Variants in PKD1L1 observed in about 807,000 individuals in gnomAD.
PKD1L1 encodes the protein polycystin-1-like protein 1.
Under a neutral mutation model 323.4 loss-of-function variants are expected in PKD1L1, and 236 were observed. The observed-to-expected ratio is 0.73, with a 90% CI of 0.66 to 0.81. PKD1L1 has a LOEUF of 0.81. PKD1L1 is among the 40% of genes least tolerant of loss of function. The probability of loss-of-function intolerance (pLI) is 0.00; values close to 1 mark genes in which losing one functional copy is unlikely to be tolerated. For synonymous variants in PKD1L1, 1,344 were observed against 1,335.0 expected (o/e 1.01, Z -0.15); for missense variants, 3,320 against 3,508.0 (o/e 0.95, Z 1.35).
In PKD1L1 at chr7:47,818,044, G is replaced by A. The variant is rs777326810; in HGVS notation, c.6966-2587C>T. 9.5e-6 allele frequency: 13 copies of A among 1,367,236 alleles called. No individual in the cohort carries two copies. The South Asian group carries it at 1.3e-4, about 13-fold the overall frequency. The allele number at this position is 1,367,236 out of a possible 1,614,324, so 84.7% of individuals were successfully genotyped here. On this transcript the variant is annotated intron_variant, in intron 46 of 56. Coordinates refer to ENST00000289672, the MANE Select transcript of PKD1L1 (RefSeq NM_138295.5). Reference sequence around the variant, plus strand: ...TTTGCAGGTCTTTTATTGGGTGCTGGTTCTTAACTCTGGACTTCTCTACAA... The same window carrying A: ...TTTGCAGGTCTTTTATTGGGTGCTGATTCTTAACTCTGGACTTCTCTACAA...
rs1293620191 is a variant in PKD1L1 at position 47,827,356 on chromosome 7, G to A, written c.6848C>T (p.Ala2283Val). 1 of 1,610,556 alleles carries A rather than the reference G, an allele frequency of 6.2e-7. No individual in the cohort carries two copies. Among genetic ancestry groups the A allele is most frequent in the Admixed American group, 1.7e-5 (1 of 59,854 alleles). The change falls in exon 45 of 57, where the codon GCC (alanine) becomes GTC (valine). Residue 2283 changes from alanine (A) to valine (V), a missense_variant. By Grantham distance (64) the Ala-to-Val change is moderately conservative. Transcript: ENST00000289672. ...RMRRESRTRA[A>V]LRDISMDILM... is the part of the protein sequence containing the mutation. ...GACAGAAGCCGCCACCCACCTCAGG[G>A]CAGCCCGTGTGCGACTCTCTCTCCT... is the stretch of plus-strand genomic sequence containing the variant.
chr7:47,949,412 C>A (rs1221312725), upstream of PKD1L1, among the ~76,000 whole-genome samples: 1 of 134,276 alleles, frequency 7.4e-6, no homozygotes, highest in Non-Finnish European at 1.6e-5. Context: ...TCCACAACTG[C>A]ACTGGGGAAC....
chr7:47,894,113 A>C, intron 14 of PKD1L1, 54 bp from the exon 15 acceptor site: 1 of 1,454,082 alleles, frequency 6.9e-7, no homozygotes, highest in African/African-American at 1.4e-5. Flanking sequence ...GCAGGGACTC[A>C]CTGGAGAAAC....
At chr7:47,910,436 G>A (rs1479578923) in intron 8 of PKD1L1, among the ~76,000 whole-genome samples, 1 of 147,692 alleles carries the variant, frequency 6.8e-6, no homozygotes, top group Non-Finnish European at 1.5e-5. Flanking sequence ...CCAGGTTCAC[G>A]CCATTCTCCT....
intron 7 of PKD1L1, among the ~76,000 whole-genome samples, chr7:47,920,336 G>A (rs576283803): frequency 6.8e-6 from 1 of 146,128 alleles, no homozygotes; most frequent in South Asian, 2.1e-4. Flanking sequence ...CCTAACCAAG[G>A]AGGTGAAAGG....
At chr7:47,845,972 A>C (rs78495469) in intron 32 of PKD1L1, among the ~76,000 whole-genome samples, 24,849 of 152,210 alleles carry the variant, frequency 0.16, 2,417 homozygotes, top group East Asian at 0.22. Flanking sequence ...TAATGCATTT[A>C]TCAATAATTT....
intron 12 of PKD1L1, 134 bp from the exon 13 acceptor site, chr7:47,902,645 A>T (rs1787118083): frequency 8.8e-7 from 1 of 1,132,356 alleles, no homozygotes; most frequent in African/African-American, 1.6e-5. Flanking sequence ...TAAGAACAGA[A>T]GAGTCAAGGG....
intron 26 of PKD1L1, among the ~76,000 whole-genome samples, chr7:47,861,318 C>G (rs1353757744): frequency 1.3e-5 from 2 of 152,198 alleles, no homozygotes; most frequent in Admixed American, 1.3e-4. Flanking sequence ...AAAACAAAGT[C>G]ACGTACAAAT....
At chr7:47,835,911 A>C (rs1785447214) in intron 37 of PKD1L1, among the ~76,000 whole-genome samples, 1 of 152,176 alleles carries the variant, frequency 6.6e-6, no homozygotes, top group South Asian at 2.1e-4. Context: ...CCCACTCTCT[A>C]CCAGGCATGT....
At chr7:47,806,411 T>C (rs555760234) in intron 52 of PKD1L1, among the ~76,000 whole-genome samples, 1 of 152,314 alleles carries the variant, frequency 6.6e-6, no homozygotes, top group South Asian at 2.1e-4. Context: ...CACAGGACCA[T>C]GCAAGACTAC....
At chr7:47,866,637 C>A in intron 24 of PKD1L1, 23 bp from the exon 25 acceptor site, 2 of 1,566,674 alleles carry the variant, frequency 1.3e-6, no homozygotes, top group South Asian at 2.3e-5. Flanking sequence ...CAAGAGTTAT[C>A]ATTACTGTTC....
intron 19 of PKD1L1, 147 bp downstream of exon 19, chr7:47,884,450 AC>A: frequency 1.4e-6 from 1 of 714,426 alleles, no homozygotes; most frequent in Non-Finnish European, 2.5e-6. Flanking sequence ...TTTGGTTCAG[AC>A]CGTGCCATGT....
At chr7:47,860,972 C>A (rs1285618779) in intron 26 of PKD1L1, among the ~76,000 whole-genome samples, 1 of 152,124 alleles carries the variant, frequency 6.6e-6, no homozygotes, top group Non-Finnish European at 1.5e-5. Flanking sequence ...GAGGTGTGCA[C>A]CTGCAGCGCC....
At chr7:47,959,889 A>C in the PKD1L1 span, among the ~76,000 whole-genome samples, 9 of 150,576 alleles carry the variant, frequency 6.0e-5, no homozygotes, top group East Asian at 4.0e-4. Context: ...CTCATTGAGA[A>C]CGGGCCATGA....
intron 15 of PKD1L1, among the ~76,000 whole-genome samples, chr7:47,893,519 C>A (rs536270120): frequency 1.2e-4 from 18 of 152,214 alleles, no homozygotes; most frequent in African/African-American, 4.3e-4. Context: ...AAGGGCTGAA[C>A]TGGGGGCAGC....
rs766216419 is a variant in PKD1L1, at chr7:47,893,829, A to T, written c.2453+49T>A. On this transcript the variant is annotated intron_variant, in intron 15 of 56. Transcript: ENST00000289672. ...AACGTTCCAGAGCCTGCATTTGCAG[A>T]ATGCGCGGTCTGAGTAGCTGCGCAG... 20 of 1,564,916 alleles carry T rather than the reference A, an allele frequency of 1.3e-5. No individual in the cohort carries two copies. The African/African-American group carries it at 2.3e-4, about 18-fold the overall frequency.
intron 7 of PKD1L1, 136 bp from the exon 8 acceptor site, chr7:47,915,735 A>G (rs1787414965): frequency 3.6e-6 from 2 of 554,792 alleles, no homozygotes; most frequent in East Asian, 6.1e-5. Flanking sequence ...TAAGGAAGGA[A>G]AAAGAAATAC....
chr7:47,808,556 G>A (rs1784830353), intron 51 of PKD1L1, among the ~76,000 whole-genome samples, 169 bp from the exon 52 acceptor site: 1 of 152,180 alleles, frequency 6.6e-6, no homozygotes, highest in Admixed American at 6.5e-5. Flanking sequence ...ATTATAGGGT[G>A]CACTTATGCA....
At chr7:47,832,652 A>AT (rs1388552245) in intron 41 of PKD1L1, among the ~76,000 whole-genome samples, 2 of 152,086 alleles carry the variant, frequency 1.3e-5, no homozygotes, top group Admixed American at 6.5e-5. Flanking sequence ...CTTTGCCATC[A>AT]TTTGGCCACC....
Sources: allele counts gnomAD v4.1 joint callset (sites outside exome capture counted in the v4.1 genomes callset), GRCh38; gene constraint gnomAD v4.1.1; transcripts MANE v1.5; gene names NCBI Gene and HGNC (gene_info 2026-07-23, HGNC 2026-07-21).